The following RARB variants were observed in gnomAD, a reference collection of about 807,000 sequenced individuals.
RARB encodes retinoic acid receptor beta.
RARB carries 17 observed loss-of-function variants against 51.9 expected under a neutral mutation model. The observed-to-expected ratio is 0.33, with a 90% CI of 0.22 to 0.49. RARB has a LOEUF of 0.49. Ranked by LOEUF, RARB falls within the 20% of genes least tolerant of loss-of-function variation. The pLI, the probability that RARB is intolerant of heterozygous loss-of-function variation, is 0.99. For missense variants in RARB, 369 were observed against 550.8 expected (o/e 0.67, Z 3.30); for synonymous variants, 215 against 195.4 (o/e 1.10, Z -0.84).
intron 5 of RARB, among the ~76,000 whole-genome samples, chr3:25,364,030 T>G (rs1706036686): frequency 6.6e-6 from 1 of 152,226 alleles, no homozygotes; most frequent in African/African-American, 2.4e-5. Flanking sequence ...CTTTCAAATT[T>G]CAATGCCCTC....
intron 5 of RARB, among the ~76,000 whole-genome samples, chr3:25,284,609 C>T (rs1342731358): frequency 6.6e-6 from 1 of 152,048 alleles, no homozygotes; most frequent in African/African-American, 2.4e-5. Flanking sequence ...GTCAGCAACC[C>T]ATAAATCCCT....
chr3:25,417,246 G>A (rs1007009718), intron 5 of RARB, among the ~76,000 whole-genome samples: 2 of 150,920 alleles, frequency 1.3e-5, no homozygotes, highest in African/African-American at 4.9e-5. Flanking sequence ...AAGTGTGTGA[G>A]AATGGAAATT....
chr3:25,154,860 C>T (rs1004891761), intron 4 of RARB, among the ~76,000 whole-genome samples: 7 of 152,208 alleles, frequency 4.6e-5, no homozygotes, highest in Non-Finnish European at 1.0e-4. Context: ...CTGAGCATGG[C>T]GCCAACCCTA....
chr3:25,154,800 G>A lies in RARB; in HGVS notation c.-279-19319G>A, dbSNP rs79413355. 6.5e-3 allele frequency among the ~76,000 whole-genome samples: 996 copies of A among 152,280 alleles called. 8 individuals are homozygous for A. The highest frequency in any genetic ancestry group is 0.022 in the African/African-American group (903 of 41,544). The stretch of plus-strand genomic sequence containing the variant: ...ACCTTTCCCCAACCAGTCCTTTGTT[G>A]GCTAGGTGTGCATCCTGTGTGCTTT... On this transcript the variant is annotated intron_variant, in intron 4 of 11. Transcript: ENST00000383772.
At position 25,092,210 on chromosome 3, in the gene RARB, G is replaced by A. The variant is rs193236988; in HGVS notation, c.-328+32034G>A. 7.0e-4 allele frequency among the ~76,000 whole-genome samples: 106 copies of A among 152,224 alleles called. 1 individual carries two copies. Among genetic ancestry groups the A allele is most frequent in the African/African-American group, 2.2e-3 (92 of 41,556 alleles). On this transcript the variant is annotated intron_variant, in intron 3 of 11. Transcript: ENST00000383772. ...TAAGTTCACAAAATCTTTCCCATCC[G>A]TTAAGTGATGGAAAAAAGTATCCAA...
intron 2 of RARB, among the ~76,000 whole-genome samples, chr3:25,042,517 C>T (rs1698133585): frequency 6.6e-6 from 1 of 152,144 alleles, no homozygotes; most frequent in Admixed American, 6.5e-5. Flanking sequence ...TGGGTCTTTC[C>T]TTGTTATCTG....
intron 3 of RARB, among the ~76,000 whole-genome samples, chr3:25,095,829 C>T (rs1015453176): frequency 2.0e-5 from 3 of 152,184 alleles, no homozygotes; most frequent in African/African-American, 4.8e-5. Context: ...TGTAGTTCTT[C>T]TTTCCTGATC....
chr3:25,188,715 T>G (rs1301672739), intron 5 of RARB, among the ~76,000 whole-genome samples: 1 of 152,014 alleles, frequency 6.6e-6, no homozygotes, highest in Non-Finnish European at 1.5e-5. Context: ...AACTACCATT[T>G]GTGTGAGAAA....
At chr3:25,033,576 C>G (rs376207393) in intron 2 of RARB, among the ~76,000 whole-genome samples, 2 of 152,236 alleles carry the variant, frequency 1.3e-5, no homozygotes, top group African/African-American at 4.8e-5. Context: ...AGGAGACATG[C>G]CGATTATGTT....
intron 4 of RARB, among the ~76,000 whole-genome samples, chr3:25,153,996 A>G (rs929520974): frequency 6.6e-6 from 1 of 152,250 alleles, no homozygotes; most frequent in Non-Finnish European, 1.5e-5. Flanking sequence ...AATGCAGAGA[A>G]TTCACACTAC....
intron 5 of RARB, among the ~76,000 whole-genome samples, chr3:25,410,859 C>T (rs1486970452): frequency 6.6e-6 from 1 of 152,252 alleles, no homozygotes; most frequent in Non-Finnish European, 1.5e-5. Flanking sequence ...GCTGCCCCAA[C>T]CCCTGCTCTG....
At chr3:25,574,698 C>T (rs113846248) in intron 4 of RARB, among the ~76,000 whole-genome samples, 1,859 of 152,296 alleles carry the variant, frequency 0.012, 32 homozygotes, top group African/African-American at 0.042. Flanking sequence ...CCTTAACCTG[C>T]TCAGAAAAAT....
At chr3:24,890,041 G>A (rs1183509505) in intron 2 of RARB, among the ~76,000 whole-genome samples, 1 of 152,066 alleles carries the variant, frequency 6.6e-6, no homozygotes, top group South Asian at 2.1e-4. Flanking sequence ...TACATGTATA[G>A]CAGCTCTTCA....
At chr3:25,057,951 T>C (rs189170758) in intron 2 of RARB, among the ~76,000 whole-genome samples, 68 of 152,056 alleles carry the variant, frequency 4.5e-4, no homozygotes, top group African/African-American at 1.5e-3. Context: ...ACAATTATCA[T>C]TGTATTTGAT....
chr3:25,262,487 G>A (rs972427745), intron 5 of RARB, among the ~76,000 whole-genome samples: 4 of 152,130 alleles, frequency 2.6e-5, no homozygotes, highest in Admixed American at 6.6e-5. Context: ...GCATCAGCAG[G>A]GCTCGTTCCT....
At chr3:25,192,857 G>A (rs1209053148) in intron 5 of RARB, among the ~76,000 whole-genome samples, 2 of 152,034 alleles carry the variant, frequency 1.3e-5, no homozygotes, top group South Asian at 2.1e-4. Context: ...CTAGTCCCTC[G>A]TAGACAAACA....
At chr3:25,143,247 T>G (rs1700137557) in intron 4 of RARB, among the ~76,000 whole-genome samples, 1 of 152,146 alleles carries the variant, frequency 6.6e-6, no homozygotes, top group Admixed American at 6.5e-5. Context: ...TGAGGCAAAT[T>G]GCAAGAGGCA....
intron 5 of RARB, among the ~76,000 whole-genome samples, chr3:25,270,754 A>G (rs542606178): frequency 3.3e-5 from 5 of 152,230 alleles, no homozygotes; most frequent in African/African-American, 1.2e-4. Context: ...TCTAGTGCAG[A>G]TGAGGAAAAT....
At chr3:24,864,615 C>T (rs1290717520) in intron 2 of RARB, among the ~76,000 whole-genome samples, 1 of 152,194 alleles carries the variant, frequency 6.6e-6, no homozygotes, top group Non-Finnish European at 1.5e-5. Flanking sequence ...CTAGTCTCAA[C>T]TCCTGGCGTC....
Sources: allele counts gnomAD v4.1 joint callset (sites outside exome capture counted in the v4.1 genomes callset), GRCh38; gene constraint gnomAD v4.1.1; transcripts MANE v1.5; gene names NCBI Gene and HGNC (gene_info 2026-07-23, HGNC 2026-07-21).